The following GP2 variants were observed in gnomAD, a reference collection of about 807,000 sequenced individuals.
GP2 encodes the protein glycoprotein 2, also known as pancreatic secretory granule membrane major glycoprotein GP2.
A neutral mutation model predicts 60.8 loss-of-function variants in GP2; 58 were observed. The observed-to-expected ratio is 0.95, with a 90% CI of 0.77 to 1.19. The LOEUF (loss-of-function observed/expected upper bound fraction) is 1.19, where lower values mean the gene tolerates loss of function less well. Ranked by LOEUF, GP2 falls within the 50% of genes most tolerant of loss-of-function variation. The pLI is 0.00. For synonymous variants in GP2, 280 were observed against 253.4 expected (o/e 1.10, Z -1.00); for missense variants, 647 against 667.4 (o/e 0.97, Z 0.34).
chr16:20,311,666 T>G (rs1297256830), intron 10 of GP2, among the ~76,000 whole-genome samples: 1 of 152,166 alleles, frequency 6.6e-6, no homozygotes, highest in Non-Finnish European at 1.5e-5. Flanking sequence ...AAGATAGGAC[T>G]TGCAGGGGAT....
chr16:20,312,146 C>G (rs1187043854), intron 10 of GP2, among the ~76,000 whole-genome samples: 1 of 152,194 alleles, frequency 6.6e-6, no homozygotes, highest in Admixed American at 6.5e-5. Flanking sequence ...TCTAGTTCTG[C>G]TGGGATTGTA....
intron 2 of GP2, among the ~76,000 whole-genome samples, chr16:20,325,184 C>T (rs966362987): frequency 6.6e-6 from 1 of 152,194 alleles, no homozygotes; most frequent in Non-Finnish European, 1.5e-5. Context: ...GGCTGGGTGA[C>T]CTTGGCAGGT....
intron 1 of GP2, 116 bp from the exon 2 acceptor site, chr16:20,326,583 G>T: frequency 1.2e-6 from 1 of 808,562 alleles, no homozygotes; most frequent in Non-Finnish European, 1.9e-6. Context: ...GTGACTTATG[G>T]ACAGATAGAG....
intron 4 of GP2, among the ~76,000 whole-genome samples, chr16:20,321,233 C>A (rs1964348718): frequency 6.6e-6 from 1 of 151,854 alleles, no homozygotes; most frequent in Admixed American, 6.6e-5. Flanking sequence ...TGGCTAATTT[C>A]TGTATTTTTA....
chr16:20,315,757 C>G (rs570544504), intron 9 of GP2, among the ~76,000 whole-genome samples, 199 bp downstream of exon 9: 19 of 152,314 alleles, frequency 1.2e-4, no homozygotes, highest in Admixed American at 2.0e-4. Flanking sequence ...AGAGCTTAGC[C>G]TGGTCTCTAA....
chr16:20,324,164 A>T lies in GP2; in HGVS notation c.187T>A (p.Cys63Ser), dbSNP rs1279125509. The T allele has an allele frequency of 3.1e-6, 5 of 1,613,902 alleles. No homozygotes were observed. The highest frequency in any genetic ancestry group is 1.3e-5 in the African/African-American group (1 of 75,056). The change falls in exon 3 of 11, where the codon TGT becomes AGT. Residue 63 changes from cysteine to serine, a missense_variant. Cys to Ser is a moderately radical substitution (Grantham distance 112). Coordinates refer to ENST00000302555, the MANE Select transcript of GP2 (RefSeq NM_001502.4). Reference protein sequence around the residue: ...TPEAHVCFDPCQNYTLLDEPF... With the variant: ...TPEAHVCFDPSQNYTLLDEPF... ...TCATCCAGGAGGGTGTAATTCTGAC[A>T]GGGGTCAAAACAGACATGAGCCTCT...
chr16:20,324,362 G>A (rs551384104), intron 2 of GP2, 106 bp from the exon 3 acceptor site: 40 of 658,896 alleles, frequency 6.1e-5, no homozygotes, highest in Non-Finnish European at 1.0e-4. Flanking sequence ...CTCCAATGAG[G>A]ACAATACACA....
intron 6 of GP2, among the ~76,000 whole-genome samples, chr16:20,319,218 G>T (rs574371442): frequency 6.6e-6 from 1 of 152,054 alleles, no homozygotes; most frequent in Non-Finnish European, 1.5e-5. Context: ...CCTGTTCCCT[G>T]CTCCCAAAGC....
chr16:20,318,036 A>G (rs952125363), intron 7 of GP2, 149 bp downstream of exon 7: 4 of 672,920 alleles, frequency 5.9e-6, no homozygotes, highest in Non-Finnish European at 1.1e-5. Context: ...TTAATATTTT[A>G]GGCTAAAATC....
intron 3 of GP2, chr16:20,323,356 AC>A (rs1392344154): frequency 1.4e-6 from 1 of 718,426 alleles, no homozygotes; most frequent in Non-Finnish European, 2.6e-6. Context: ...TGTGCCCCTA[AC>A]TGGGGTAATT....
intron 10 of GP2, among the ~76,000 whole-genome samples, chr16:20,314,378 A>T (rs371201331): frequency 3.3e-5 from 5 of 151,340 alleles, no homozygotes; most frequent in African/African-American, 1.2e-4. Flanking sequence ...TACTTTCCAC[A>T]CTGGTGCATA....
chr16:20,323,785 T>A, intron 3 of GP2, 31 bp downstream of exon 3: 1 of 1,454,548 alleles, frequency 6.9e-7, no homozygotes, highest in Non-Finnish European at 9.5e-7. Flanking sequence ...ATTGGCTGTG[T>A]AGCTGCCTCC....
chr16:20,324,099 C>T lies in GP2; in HGVS notation c.252G>A (p.Gly84=). ...RSTENSAGSQ[G]CDKNMSGWYR... ...ACCAGCCGCTCATGTTTTTATCGCA[C>T]CCCTGGGACCCTGCTGAGTTCTCTG... Residue 84 remains glycine (G), a synonymous_variant, in exon 3 of 11, where the codon GGG becomes GGA. Transcript: ENST00000302555. 1 of 1,614,192 alleles carries T rather than the reference C, an allele frequency of 6.2e-7. No individual in the cohort carries two copies. The highest frequency in any genetic ancestry group is 8.5e-7 in the Non-Finnish European group (1 of 1,180,004).
At position 20,324,218 on chromosome 16, in the gene GP2, C is replaced by T. The variant is rs200094169; in HGVS notation, c.133G>A (p.Asp45Asn). ...GTGCCAGGAGCTCCGCAGTCCAGGT[C>T]CAGCCCATACGAACTGGCTTCAATG... is the stretch of plus-strand genomic sequence containing the variant. ...NPIEASSYGLDLDCGAPGTPE... is the reference protein window; with the variant it reads ...NPIEASSYGLNLDCGAPGTPE... The change falls in exon 3 of 11, where the codon GAC becomes AAC. Residue 45 changes from aspartate to asparagine, a missense_variant. Coordinates refer to ENST00000302555, the MANE Select transcript of GP2 (RefSeq NM_001502.4). 1.2e-6 allele frequency: 2 copies of T among 1,609,206 alleles called. No individual in the cohort carries two copies. Among genetic ancestry groups the T allele is most frequent in the Non-Finnish European group, 1.7e-6 (2 of 1,176,190 alleles).
chr16:20,319,722 T>C lies in GP2; in HGVS notation c.905A>G (p.Asn302Ser), dbSNP rs750900414. 6 of 1,612,110 alleles carry C rather than the reference T, an allele frequency of 3.7e-6. No individual in the cohort carries two copies. In the Admixed American group the frequency reaches 8.3e-5, roughly 22 times the overall value. Residue 302 changes from asparagine to serine, a missense_variant, in exon 6 of 11, where the codon AAT becomes AGT. Asn to Ser is a conservative substitution (Grantham distance 46). Coordinates refer to ENST00000302555, the MANE Select transcript of GP2 (RefSeq NM_001502.4). Reference protein sequence around the residue: ...AIYKNTLSLVNDFIIRDTILN... With the variant: ...AIYKNTLSLVSDFIIRDTILN... ...GATGGTGTCTCTGATGATGAAATCA[T>C]TGACCAAGGAGAGGGTGTTTTTGTA... is the stretch of plus-strand genomic sequence containing the variant.
chr16:20,313,644 G>C (rs1964063999), intron 10 of GP2, among the ~76,000 whole-genome samples: 1 of 152,118 alleles, frequency 6.6e-6, no homozygotes. Context: ...TGCTAATAAA[G>C]CCATCAAACA....
chr16:20,317,012 C>T (rs1245470326), intron 8 of GP2, among the ~76,000 whole-genome samples: 3 of 150,226 alleles, frequency 2.0e-5, no homozygotes, highest in African/African-American at 7.4e-5. Flanking sequence ...CTTCACCTTC[C>T]CATTCCCTTC....
chr16:20,317,299 T>C lies in GP2; in HGVS notation c.1330A>G (p.Met444Val), dbSNP rs1964211485. ...TCATAATGTCCAGCAAACATGAACA[T>C]CTGAACTGAGAACCGGCTTTCCGAG... Reference protein sequence around the residue: ...QSSESRFSVQMFMFAGHYDLV... With the variant: ...QSSESRFSVQVFMFAGHYDLV... Residue 444 changes from methionine (M) to valine (V), a missense_variant, in exon 8 of 11, where the codon ATG (methionine) becomes GTG (valine). Physicochemically the swap from Met to Val is conservative, Grantham distance 21. Coordinates refer to ENST00000302555, the MANE Select transcript of GP2 (RefSeq NM_001502.4). The C allele has an allele frequency of 6.2e-7, 1 of 1,612,922 alleles. No homozygotes were observed. Among genetic ancestry groups the C allele is most frequent in the Non-Finnish European group, 8.5e-7 (1 of 1,179,116 alleles).
In GP2 at chr16:20,324,257, CTGGG is replaced by C; in HGVS notation, c.95-5_95-2del. 1.3e-6 allele frequency: 2 copies of C among 1,587,436 alleles called. No homozygotes were observed. The highest frequency in any genetic ancestry group is 1.7e-6 in the Non-Finnish European group (2 of 1,162,664). On this transcript the variant is annotated splice_acceptor_variant and splice_polypyrimidine_tract_variant and intron_variant, in intron 2 of 10. Transcript: ENST00000302555. LOFTEE classifies it high-confidence loss of function. ...CTGGCTTCAATGGGGTTTCCATAACCTGGGAAAGTGACAGAGTGCAGTTGGGTTT... is the reference window on the plus strand; with the variant it reads ...CTGGCTTCAATGGGGTTTCCATAACCAAAGTGACAGAGTGCAGTTGGGTTT...
Sources: allele counts gnomAD v4.1 joint callset (sites outside exome capture counted in the v4.1 genomes callset), GRCh38; gene constraint gnomAD v4.1.1; transcripts MANE v1.5; gene names NCBI Gene and HGNC (gene_info 2026-07-23, HGNC 2026-07-21).